The following STRIP1 variants were observed in gnomAD, a reference collection of about 807,000 sequenced individuals.
STRIP1 encodes striatin interacting protein 1.
In STRIP1, 63 loss-of-function variants were observed where a neutral mutation model predicts 106.2. That is an observed-to-expected ratio of 0.59 (90% CI 0.48 to 0.73). The LOEUF is 0.73. STRIP1 is among the 30% of genes least tolerant of loss of function. STRIP1 has a pLI of 0.00. For synonymous variants in STRIP1, 390 were observed against 413.0 expected (o/e 0.94, Z 0.67); for missense variants, 857 against 1,074.8 (o/e 0.80, Z 2.83).
In STRIP1 at chr1:110,047,843, A is replaced by G. The variant is rs1167695059; in HGVS notation, c.1635A>G (p.Leu545=). The G allele has an allele frequency of 9.0e-6, 14 of 1,564,024 alleles. No homozygotes were observed. Among genetic ancestry groups the G allele is most frequent in the South Asian group, 1.2e-5 (1 of 84,988 alleles). Residue 545 remains leucine, a synonymous_variant, in exon 15 of 21, where the codon CTA becomes CTG. Coordinates refer to ENST00000369795, the MANE Select transcript of STRIP1 (RefSeq NM_033088.4). ...CCAAAACAGACTCAATCAACATCCT[A>G]GCGGACGTCTTGCCTGAGGAGATGC... The part of the protein sequence containing the change: ...SKAKTDSINI[L]ADVLPEEMPT...
intron 17 of STRIP1, 122 bp downstream of exon 17, chr1:110,049,682 A>T (rs1653201188): frequency 1.5e-6 from 1 of 671,318 alleles, no homozygotes; most frequent in African/African-American, 1.8e-5. Flanking sequence ...AGGCATCAAG[A>T]CATAAAGATA....
chr1:110,034,910 C>A, intron 1 of STRIP1, 93 bp downstream of exon 1: 1 of 1,243,994 alleles, frequency 8.0e-7, no homozygotes, highest in East Asian at 3.2e-5. Context: ...TTGGGCTTCC[C>A]GGAGGGCTCG....
At chr1:110,038,574 C>T (rs2101767090) in intron 2 of STRIP1, 109 bp from the exon 3 acceptor site, 1 of 801,846 alleles carries the variant, frequency 1.2e-6, no homozygotes, top group Non-Finnish European at 2.1e-6. Context: ...CACTATGACT[C>T]AGGGGCAGAG....
chr1:110,048,131 G>C (rs750150739), intron 15 of STRIP1: 3 of 446,422 alleles, frequency 6.7e-6, no homozygotes, highest in Admixed American at 3.4e-5. Flanking sequence ...TTCCTCCTCT[G>C]TAAAATGAAT....
chr1:110,034,604 G>C, upstream of STRIP1: 1 of 1,479,666 alleles, frequency 6.8e-7, no homozygotes, highest in South Asian at 1.3e-5. Flanking sequence ...CGGCGGCTGT[G>C]CGCGAGTTAA....
chr1:110,039,532 G>T lies in STRIP1; in HGVS notation c.581+17G>T. On this transcript the variant is annotated intron_variant, in intron 5 of 20. Transcript: ENST00000369795. ...GGAAATAGAGTGAGCATTTTTGAGA[G>T]GCTGAGTAGGGAAGGGGAGGCTGGG... The T allele has an allele frequency of 6.3e-7, 1 of 1,587,636 alleles. No individual in the cohort carries two copies. The highest frequency in any genetic ancestry group is 8.6e-7 in the Non-Finnish European group (1 of 1,166,748).
chr1:110,054,155 C>T lies in STRIP1; in HGVS notation c.*243C>T, dbSNP rs1278158028. On this transcript the variant is annotated 3_prime_UTR_variant, in exon 21 of 21. Transcript: ENST00000369795. ...ATTCTTCCTTTACTTCCCCCACCCT[C>T]CTCTCTTGGATATGGTTGGTTTTGG... is the stretch of plus-strand genomic sequence containing the variant. 7.7e-6 allele frequency: 4 copies of T among 520,436 alleles called. No individual in the cohort carries two copies. The highest frequency in any genetic ancestry group is 3.4e-5 in the Admixed American group (1 of 29,524). 32.2% of individuals were successfully genotyped at this position (520,436 alleles called of 1,614,324 possible).
intron 17 of STRIP1, chr1:110,049,880 C>G (rs1011887560): frequency 6.4e-6 from 2 of 313,090 alleles, no homozygotes; most frequent in African/African-American, 4.5e-5. Flanking sequence ...CTTGCTGTCT[C>G]TAAGGGGCTC....
At position 110,034,692 on chromosome 1, in the gene STRIP1, C is replaced by A; in HGVS notation, c.55C>A (p.Gln19Lys). 6.6e-7 allele frequency: 1 copy of A among 1,515,736 alleles called. No homozygotes were observed. The allele number at this position is 1,515,736 out of a possible 1,614,324, so 93.9% of individuals were successfully genotyped here. A position where few individuals can be genotyped will look rare whatever the true frequency, so the allele number is the denominator to read the frequency against. The part of the protein sequence containing the change: ...GPLIVNNKQP[Q>K]PPPPPPPAAA... ...ACTGATCGTGAACAACAAACAGCCCCAGCCCCCGCCACCTCCGCCGCCGGC... is the reference window on the plus strand; with the variant it reads ...ACTGATCGTGAACAACAAACAGCCCAAGCCCCCGCCACCTCCGCCGCCGGC... Residue 19 changes from glutamine to lysine, a missense_variant, in exon 1 of 21, where the codon CAG becomes AAG. Around this residue, in one of 2 missense-constraint regions of STRIP1, gnomAD observed 107 missense variants for 85.1 expected, o/e 1.26. Coordinates refer to ENST00000369795, the MANE Select transcript of STRIP1 (RefSeq NM_033088.4).
In STRIP1 at chr1:110,043,228, C is replaced by T. The variant is rs376136246; in HGVS notation, c.1026C>T (p.Asp342=). 5.9e-5 allele frequency: 95 copies of T among 1,613,596 alleles called. No homozygotes were observed. Among genetic ancestry groups the T allele is most frequent in the South Asian group, 5.1e-4 (46 of 91,088 alleles). The change falls in exon 9 of 21, where the codon GAC becomes GAT. Residue 342 remains aspartate (D), a synonymous_variant. Transcript: ENST00000369795. Reference sequence around the variant, plus strand: ...CCTCTCCACCAGCATCTGCTTCAGACTTGATTGAGCAGCAGCAGAAACGGG... The same window carrying T: ...CCTCTCCACCAGCATCTGCTTCAGATTTGATTGAGCAGCAGCAGAAACGGG... ...RAASPPASAS[D]LIEQQQKRGR... is the part of the protein sequence containing the mutation.
Position 110,049,242 on chromosome 1 carries a change from C to G in STRIP1, c.1788+4C>G. 6.2e-7 allele frequency: 1 copy of G among 1,614,078 alleles called. No individual in the cohort carries two copies. The highest frequency in any genetic ancestry group is 8.5e-7 in the Non-Finnish European group (1 of 1,180,024). On this transcript the variant is annotated splice_donor_region_variant and intron_variant, in intron 16 of 20. Transcript: ENST00000369795. Reference sequence around the variant, plus strand: ...TAAGTTGAACCATGTCTACCAGGTACCCACAGGGCTTTCCCTCCTGTCCTG... The same window carrying G: ...TAAGTTGAACCATGTCTACCAGGTAGCCACAGGGCTTTCCCTCCTGTCCTG...
Position 110,050,350 on chromosome 1 carries a change from G to T in STRIP1, c.1897G>T (p.Val633Phe). The change falls in exon 18 of 21, where the codon GTC becomes TTC. Residue 633 changes from valine (V) to phenylalanine (F), a missense_variant. Val to Phe is a conservative substitution (Grantham distance 50, BLOSUM62 -1). Coordinates refer to ENST00000369795, the MANE Select transcript of STRIP1 (RefSeq NM_033088.4). ...TTCCTCTCCCCTCTGCAGCATTTCT[G>T]TCCTGGATTACCCTCACTGCGTGGT... ...SYITAKNSIS[V>F]LDYPHCVVHE... The T allele has an allele frequency of 2.5e-6, 4 of 1,614,152 alleles. No individual in the cohort carries two copies. The highest frequency in any genetic ancestry group is 3.4e-6 in the Non-Finnish European group (4 of 1,180,002).
At chr1:110,047,394 ATTGT>A (rs1270828521) in intron 13 of STRIP1, 144 bp from the exon 14 acceptor site, 7 of 647,918 alleles carry the variant, frequency 1.1e-5, no homozygotes, top group African/African-American at 1.8e-5. Flanking sequence ...TGCTTGGCAC[ATTGT>A]TTGTGTTCAG....
rs767979597 is a variant in STRIP1 at position 110,041,500 on chromosome 1, C to T, written c.651-36C>T. 9.1e-6 allele frequency: 14 copies of T among 1,532,696 alleles called. No homozygotes were observed. The Admixed American group carries it at 2.2e-4, about 24-fold the overall frequency. The allele number at this position is 1,532,696 out of a possible 1,614,324, so 94.9% of individuals were successfully genotyped here. ...CACTAGGGTGCTCCTTTGACCCCCC[C>T]ATCCCACTCCATTGTGAGCTGGCTC... On this transcript the variant is annotated intron_variant, in intron 6 of 20. Coordinates refer to ENST00000369795, the MANE Select transcript of STRIP1 (RefSeq NM_033088.4).
rs1208967760 is a variant in STRIP1, at chr1:110,039,480, C to T, written c.546C>T (p.Phe182=). ...TTCTCCTCCTGGAGGTGGGCACGTTCAATGCTTTGGTGGAGCTTCTGAACA... is the reference window on the plus strand; with the variant it reads ...TTCTCCTCCTGGAGGTGGGCACGTTTAATGCTTTGGTGGAGCTTCTGAACA... ...NIFLLLEVGT[F]NALVELLNME... The change falls in exon 5 of 21, where the codon TTC becomes TTT. Residue 182 remains phenylalanine, a synonymous_variant. Coordinates refer to ENST00000369795, the MANE Select transcript of STRIP1 (RefSeq NM_033088.4). 6.8e-6 allele frequency: 11 copies of T among 1,609,826 alleles called. No homozygotes were observed. Among genetic ancestry groups the T allele is most frequent in the Non-Finnish European group, 9.3e-6 (11 of 1,178,102 alleles).
chr1:110,033,781 T>C (rs1014176626), upstream of STRIP1, among the ~76,000 whole-genome samples: 2 of 152,262 alleles, frequency 1.3e-5, no homozygotes, highest in Non-Finnish European at 2.9e-5. Flanking sequence ...ACCATAGCAC[T>C]CGGTATCTGA....
At chr1:110,053,628 A>G (rs1201154786) in intron 20 of STRIP1, 37 bp from the exon 21 acceptor site, 20 of 1,609,060 alleles carry the variant, frequency 1.2e-5, no homozygotes, top group Non-Finnish European at 1.5e-5. Context: ...GCTACAGGGC[A>G]TGGCTCCTAA....
upstream of STRIP1, among the ~76,000 whole-genome samples, chr1:110,033,565 C>T (rs914026740): frequency 2.6e-5 from 4 of 152,206 alleles, no homozygotes; most frequent in African/African-American, 9.7e-5. Context: ...GGTAGAGAGC[C>T]TCTCACGGTG....
chr1:110,050,080 C>T, intron 17 of STRIP1: 1 of 487,734 alleles, frequency 2.1e-6, no homozygotes, highest in South Asian at 2.3e-5. Context: ...ACATTGATTG[C>T]TGTGGGGGAA....
Sources: gnomAD v4.1 joint callset for allele counts (sites outside exome capture counted in the v4.1 genomes callset) on GRCh38, gnomAD v4.1.1 for gene constraint, gnomAD v4.1.1 regional missense constraint, MANE v1.5 for transcripts, NCBI Gene and HGNC (gene_info 2026-07-23, HGNC 2026-07-21) for gene names.